Variants in ZNF536 observed in about 807,000 individuals in gnomAD.
ZNF536 encodes the protein zinc finger protein 536.
ZNF536 carries 13 observed loss-of-function variants against 84.5 expected under a neutral mutation model. The observed-to-expected ratio is 0.15, with a 90% CI of 0.10 to 0.24. The LOEUF is 0.24. Ranked by LOEUF, ZNF536 falls within the 10% of genes least tolerant of loss-of-function variation. The pLI is 1.00. For synonymous variants in ZNF536, 811 were observed against 742.5 expected, an observed-to-expected ratio of 1.09 and a Z score of -1.50; for missense variants, 1,536 against 1,747.5, an observed-to-expected ratio of 0.88 and a Z score of 2.16.
chr19:30,499,106 C>T (rs2054843651), intron 2 of ZNF536, among the ~76,000 whole-genome samples: 1 of 150,704 alleles, frequency 6.6e-6, no homozygotes, highest in Non-Finnish European at 1.5e-5. Context: ...TAATAAATTG[C>T]TACATTATTG....
At chr19:30,457,794 T>C (rs1332553121) in intron 2 of ZNF536, among the ~76,000 whole-genome samples, 2 of 152,168 alleles carry the variant, frequency 1.3e-5, no homozygotes, top group Non-Finnish European at 2.9e-5. Flanking sequence ...TTTTATCCAT[T>C]TCCCTGTCTG....
chr19:30,230,920 G>T (rs1438751713), intron 1 of ZNF536, among the ~76,000 whole-genome samples: 1 of 151,718 alleles, frequency 6.6e-6, no homozygotes, highest in East Asian at 1.9e-4. Context: ...AAAGTGCCTT[G>T]AATGGAGGGG....
At chr19:30,622,839 G>A (rs1401444334) in intron 1 of ZNF536, among the ~76,000 whole-genome samples, 10 of 151,922 alleles carry the variant, frequency 6.6e-5, no homozygotes, top group African/African-American at 1.5e-4. Flanking sequence ...GGCTGCCTGC[G>A]ATGTTGGAAC....
intron 1 of ZNF536, among the ~76,000 whole-genome samples, chr19:30,696,457 C>T (rs1041427418): frequency 6.6e-6 from 1 of 152,180 alleles, no homozygotes; most frequent in Non-Finnish European, 1.5e-5. Context: ...AGTTCATTGA[C>T]CCTTTGAAGG....
In ZNF536 at chr19:30,569,559, CTTTTTTTTTTTTTTTTT is replaced by C. The variant is rs34995610; in HGVS notation, c.169+20059_169+20075del. ...ATGGAATCGAAGCCAGATAAACGTT[CTTTTTTTTTTTTTTTTT>C]TTTTTTTTTTTTTGAGACAGAGTTT... On this transcript the variant is annotated intron_variant, in intron 1 of 1. Transcript: ENST00000592773. Among the ~76,000 whole-genome samples, 15 of 55,092 alleles carry C rather than the reference CTTTTTTTTTTTTTTTTT, an allele frequency of 2.7e-4. 1 individual carries two copies. The highest frequency in any genetic ancestry group is 1.2e-3 in the Admixed American group (5 of 4,344). 36.1% of individuals were successfully genotyped at this position (55,092 alleles called of 152,430 possible).
intron 1 of ZNF536, among the ~76,000 whole-genome samples, chr19:30,379,819 C>T (rs893853240): frequency 6.6e-6 from 1 of 152,084 alleles, no homozygotes; most frequent in African/African-American, 2.4e-5. Context: ...ATGCCTGGGA[C>T]CTCCTGTGAC....
At chr19:30,532,233 G>C (rs1452027504) in intron 2 of ZNF536, among the ~76,000 whole-genome samples, 1 of 151,974 alleles carries the variant, frequency 6.6e-6, no homozygotes, top group Non-Finnish European at 1.5e-5. Context: ...AGGCTCAAGC[G>C]ATTCTCCTGC....
chr19:30,292,118 T>A (rs554221552), intron 2 of ZNF536, among the ~76,000 whole-genome samples: 297 of 152,228 alleles, frequency 2.0e-3, no homozygotes, highest in Non-Finnish European at 3.7e-3. Context: ...TGGTAAGTGT[T>A]ATATGCTTTA....
Position 30,273,880 on chromosome 19 carries a change from CAT to C in ZNF536, c.-189-10191_-189-10190del, listed in dbSNP as rs763718602. 9.2e-5 allele frequency among the ~76,000 whole-genome samples: 14 copies of C among 152,280 alleles called. No homozygotes were observed. In the East Asian group the frequency reaches 1.5e-3, roughly 17 times the overall value. On this transcript the variant is annotated intron_variant, in intron 1 of 5. Coordinates refer to the ZNF536 transcript ENST00000585628. ...GTTCATGAATACATATACATGTACA[CAT>C]GTGTTCATTAACACATATGCATGCA...
intron 2 of ZNF536, among the ~76,000 whole-genome samples, chr19:30,456,051 A>G (rs2052824609): frequency 6.6e-6 from 1 of 152,182 alleles, no homozygotes; most frequent in African/African-American, 2.4e-5. Context: ...ATTCTTTCAT[A>G]AATAAGAGTG....
In ZNF536 at chr19:30,444,231, C is replaced by G. The variant is rs1473327018; in HGVS notation, c.669C>G (p.Asp223Glu). The change falls in exon 2 of 5, where the codon GAC (aspartate) becomes GAG (glutamate). Residue 223 changes from aspartate (D) to glutamate (E), a missense_variant. This residue lies in a region of ZNF536 where 138 missense variants were observed against 136.8 expected (regional missense o/e 1.01). Transcript: ENST00000355537. ...GCAGCCTGCTGCAGCCCCGGCCGGA[C>G]CTGAAGCCCCCGCCGCACGCCCAGC... ...LKGSLLQPRP[D>E]LKPPPHAQQA... 1.3e-6 allele frequency: 2 copies of G among 1,544,148 alleles called. No individual in the cohort carries two copies. The highest frequency in any genetic ancestry group is 3.9e-5 in the Admixed American group (2 of 51,728).
rs1013438803 is a variant in ZNF536 at position 30,350,972 on chromosome 19, G to A, written c.-119-1396G>A. On this transcript the variant is annotated intron_variant, in intron 2 of 5. Transcript: ENST00000585628. ...GGGGCATTAATACATTATCATATGC[G>A]GGGTGGTCTGTGCCCTGTGGACAAA... Among the ~76,000 whole-genome samples the A allele has an allele frequency of 6.6e-5, 10 of 152,250 alleles. No homozygotes were observed. In the East Asian group the frequency reaches 7.7e-4, roughly 12 times the overall value.
chr19:30,532,681 G>A (rs1044425572), intron 2 of ZNF536, among the ~76,000 whole-genome samples: 3 of 152,058 alleles, frequency 2.0e-5, no homozygotes, highest in African/African-American at 7.2e-5. Context: ...AGCATGCTCA[G>A]GGTTGGGGTG....
At chr19:30,360,884 TG>T (rs2146873748) in intron 3 of ZNF536, among the ~76,000 whole-genome samples, 1 of 152,366 alleles carries the variant, frequency 6.6e-6, no homozygotes, top group Non-Finnish European at 1.5e-5. Context: ...TTCTCCTCTC[TG>T]CTGCCCTGTT....
chr19:30,375,370 G>T (rs1009431606), intron 1 of ZNF536, among the ~76,000 whole-genome samples: 1 of 152,034 alleles, frequency 6.6e-6, no homozygotes, highest in Non-Finnish European at 1.5e-5. Flanking sequence ...AGCTGCCGCC[G>T]CATAGTAATC....
At chr19:30,594,169 A>G (rs1421130332) in intron 1 of ZNF536, among the ~76,000 whole-genome samples, 1 of 152,244 alleles carries the variant, frequency 6.6e-6, no homozygotes, top group Non-Finnish European at 1.5e-5. Flanking sequence ...TGGAGTGCGC[A>G]GAGTCACTTG....
intron 1 of ZNF536, among the ~76,000 whole-genome samples, chr19:30,595,898 AGGGACAACTCCTG>A (rs1206951022): frequency 2.6e-5 from 4 of 152,174 alleles, no homozygotes; most frequent in Non-Finnish European, 4.4e-5. Flanking sequence ...GGGGAGGAAG[AGGGACAACTCCTG>A]GGAAAGGAGA....
At chr19:30,368,361 C>A (rs930994328), upstream of ZNF536, among the ~76,000 whole-genome samples, 2 of 152,186 alleles carry the variant, frequency 1.3e-5, no homozygotes, top group African/African-American at 4.8e-5. Flanking sequence ...ACTCTAGTTG[C>A]CAAATGTGAA....
chr19:30,260,096 A>AGAT (rs1295411134), intron 1 of ZNF536, among the ~76,000 whole-genome samples: 1 of 152,008 alleles, frequency 6.6e-6, no homozygotes, highest in East Asian at 1.9e-4. Context: ...CCTTTCTAAG[A>AGAT]GATCATTTAT....
Sources: allele counts gnomAD v4.1 joint callset (sites outside exome capture counted in the v4.1 genomes callset), GRCh38; gene constraint gnomAD v4.1.1; regional missense constraint gnomAD v4.1.1; transcripts MANE v1.5; gene names NCBI Gene and HGNC (gene_info 2026-07-23, HGNC 2026-07-21).